Variants in C1orf21 observed in about 807,000 individuals in gnomAD.
C1orf21 encodes chromosome 1 open reading frame 21.
C1orf21 carries 3 observed loss-of-function variants against 18.7 expected under a neutral mutation model. That is an observed-to-expected ratio of 0.16 (90% confidence interval 0.07 to 0.42). C1orf21 has a LOEUF of 0.42. C1orf21 is among the 10% of genes least tolerant of loss of function. C1orf21 has a pLI of 0.99. For synonymous variants in C1orf21, 41 were observed against 46.4 expected (o/e 0.88, Z 0.47); for missense variants, 104 against 143.6 (o/e 0.72, Z 1.41).
chr1:184,478,418 C>T (rs1218087096), intron 2 of C1orf21, among the ~76,000 whole-genome samples: 1 of 151,938 alleles, frequency 6.6e-6, no homozygotes, highest in African/African-American at 2.4e-5. Context: ...TTGCCCCCTC[C>T]CCAAAGAATT....
chr1:184,561,006 T>C (rs1658956046), intron 3 of C1orf21, among the ~76,000 whole-genome samples: 1 of 152,214 alleles, frequency 6.6e-6, no homozygotes, highest in Non-Finnish European at 1.5e-5. Flanking sequence ...CTGTTAAGAC[T>C]CTTGTTTACA....
chr1:184,397,219 A>C (rs1656064381), intron 1 of C1orf21, among the ~76,000 whole-genome samples: 1 of 152,324 alleles, frequency 6.6e-6, no homozygotes, highest in Non-Finnish European at 1.5e-5. Context: ...ACATTTTCAT[A>C]ATGTCTGTTA....
At chr1:184,556,285 C>T (rs1009879611) in intron 3 of C1orf21, among the ~76,000 whole-genome samples, 8 of 152,208 alleles carry the variant, frequency 5.3e-5, no homozygotes, top group Non-Finnish European at 1.0e-4. Flanking sequence ...TGCCTGCTGA[C>T]AGGCTTTCAT....
intron 1 of C1orf21, among the ~76,000 whole-genome samples, chr1:184,391,916 C>T (rs1393242296): frequency 6.6e-6 from 1 of 152,116 alleles, no homozygotes; most frequent in Non-Finnish European, 1.5e-5. Flanking sequence ...CCATGTTGGC[C>T]AGGATGGTCT....
At chr1:184,424,904 A>T (rs1656608981) in intron 1 of C1orf21, among the ~76,000 whole-genome samples, 1 of 152,164 alleles carries the variant, frequency 6.6e-6, no homozygotes, top group African/African-American at 2.4e-5. Flanking sequence ...TTGCGAGCAC[A>T]TGTTGAGTTT....
intron 5 of C1orf21, among the ~76,000 whole-genome samples, chr1:184,613,256 C>T (rs1015309864): frequency 5.9e-5 from 9 of 152,220 alleles, no homozygotes; most frequent in South Asian, 2.1e-4. Flanking sequence ...TAGTTAGGTA[C>T]GTATGTGTAG....
intron 2 of C1orf21, among the ~76,000 whole-genome samples, chr1:184,485,321 T>A (rs901116539): frequency 6.6e-6 from 1 of 152,168 alleles, no homozygotes; most frequent in Non-Finnish European, 1.5e-5. Context: ...AATTATTGAT[T>A]ACATGTTAAA....
At chr1:184,589,535 A>G (rs1659408481) in intron 3 of C1orf21, among the ~76,000 whole-genome samples, 1 of 152,214 alleles carries the variant, frequency 6.6e-6, no homozygotes, top group Admixed American at 6.5e-5. Flanking sequence ...GTTCCCTGAC[A>G]TACGTCAACA....
intron 3 of C1orf21, among the ~76,000 whole-genome samples, chr1:184,556,833 A>G (rs537264730): frequency 6.6e-6 from 1 of 152,312 alleles, no homozygotes. Context: ...GAAAAGATGA[A>G]TGGAAGACTG....
At chr1:184,536,341 A>G (rs533186894) in intron 3 of C1orf21, among the ~76,000 whole-genome samples, 4 of 151,824 alleles carry the variant, frequency 2.6e-5, no homozygotes, top group African/African-American at 4.8e-5. Context: ...CACTGTGCTC[A>G]CCCTGTGGTT....
chr1:184,408,299 C>T (rs1656280419), intron 1 of C1orf21: 1 of 152,192 alleles, frequency 6.6e-6, no homozygotes. Context: ...ATTGTTACAT[C>T]ACAGTGGGGA....
chr1:184,617,058 G>C (rs1305590521), intron 5 of C1orf21, among the ~76,000 whole-genome samples: 1 of 152,148 alleles, frequency 6.6e-6, no homozygotes, highest in Non-Finnish European at 1.5e-5. Flanking sequence ...AACAAACACA[G>C]AGTTTATAAT....
chr1:184,548,253 A>ACACT (rs1248548403), intron 3 of C1orf21, among the ~76,000 whole-genome samples: 1 of 146,404 alleles, frequency 6.8e-6, no homozygotes, highest in Admixed American at 6.7e-5. Context: ...ACACACACAC[A>ACACT]CACTCACACA....
chr1:184,510,616 C>T (rs1658129579), intron 3 of C1orf21, among the ~76,000 whole-genome samples: 1 of 152,160 alleles, frequency 6.6e-6, no homozygotes. Context: ...ATAAAAAGCA[C>T]ATAGTCCTTT....
At chr1:184,569,809 G>A (rs1659084223) in intron 3 of C1orf21, among the ~76,000 whole-genome samples, 1 of 152,350 alleles carries the variant, frequency 6.6e-6, no homozygotes, top group African/African-American at 2.4e-5. Context: ...AGTGAGCTAG[G>A]GTTGGTAAAG....
At chr1:184,556,086 C>G (rs1658875054) in intron 3 of C1orf21, among the ~76,000 whole-genome samples, 1 of 152,088 alleles carries the variant, frequency 6.6e-6, no homozygotes, top group African/African-American at 2.4e-5. Flanking sequence ...CCCAAACACA[C>G]ACACAACACA....
intron 1 of C1orf21, among the ~76,000 whole-genome samples, chr1:184,421,087 A>C (rs1656540302): frequency 6.6e-6 from 1 of 151,814 alleles, no homozygotes; most frequent in African/African-American, 2.4e-5. Flanking sequence ...TTCTCTCTTC[A>C]TTTCTCCCCG....
chr1:184,600,138 A>C (rs192336200), intron 5 of C1orf21, among the ~76,000 whole-genome samples: 1 of 152,288 alleles, frequency 6.6e-6, no homozygotes, highest in African/African-American at 2.4e-5. Flanking sequence ...ACAAACACTT[A>C]AAATGATATA....
In C1orf21 at chr1:184,628,223, T is replaced by C. The variant is rs988887059; in HGVS notation, c.*8667T>C. The C allele has an allele frequency of 2.6e-5, 4 of 152,366 alleles. No homozygotes were observed. The highest frequency in any genetic ancestry group is 3.9e-4 in the East Asian group (2 of 5,188). The allele number at this position is 152,366 out of a possible 1,614,324, so 9.4% of individuals were successfully genotyped here. A position where few individuals can be genotyped will look rare whatever the true frequency, so the allele number is the denominator to read the frequency against. On this transcript the variant is annotated 3_prime_UTR_variant, in exon 6 of 6. Coordinates refer to ENST00000235307, the MANE Select transcript of C1orf21 (RefSeq NM_030806.4). The stretch of plus-strand genomic sequence containing the variant: ...GGCCCCCATCTGTTTCAATTACACA[T>C]GCCTGTCAGCAAAAACTTCGTGAGA...
Sources: allele counts gnomAD v4.1 joint callset (sites outside exome capture counted in the v4.1 genomes callset), GRCh38; gene constraint gnomAD v4.1.1; transcripts MANE v1.5; gene names NCBI Gene and HGNC (gene_info 2026-07-23, HGNC 2026-07-21).